GALNTL6: variants seen among roughly 807,000 people sequenced by gnomAD.
GALNTL6 encodes the protein polypeptide N-acetylgalactosaminyltransferase like 6, also known as polypeptide N-acetylgalactosaminyltransferase-like 6.
Under a neutral mutation model 73.7 loss-of-function variants are expected in GALNTL6, and 46 were observed. That is an observed-to-expected ratio of 0.62 (90% CI 0.49 to 0.80). The LOEUF is 0.80. Among genes scored for constraint, GALNTL6 ranks in the 30% least tolerant of loss-of-function variants. The probability of loss-of-function intolerance (pLI) is 0.00; values close to 1 mark genes in which losing one functional copy is unlikely to be tolerated. For synonymous variants in GALNTL6, 259 were observed against 263.7 expected (o/e 0.98, Z 0.17); for missense variants, 604 against 755.0 (o/e 0.80, Z 2.34).
intron 3 of GALNTL6, among the ~76,000 whole-genome samples, chr4:172,257,685 TTCAGTACAGGGA>T (rs1738127644): frequency 6.6e-6 from 1 of 151,304 alleles, no homozygotes; most frequent in South Asian, 2.1e-4. Context: ...ATGTTTGAAG[TTCAGTACAGGGA>T]TATGAAAAAG....
intron 2 of GALNTL6, among the ~76,000 whole-genome samples, chr4:172,133,866 A>G (rs776759391): frequency 2.0e-5 from 3 of 152,256 alleles, no homozygotes; most frequent in Non-Finnish European, 4.4e-5. Flanking sequence ...CTCAAAGATC[A>G]CATGATAAAT....
chr4:173,011,437 A>G (rs1331983912), intron 11 of GALNTL6, among the ~76,000 whole-genome samples: 3 of 152,188 alleles, frequency 2.0e-5, no homozygotes, highest in African/African-American at 7.2e-5. Flanking sequence ...GCCCAGACCA[A>G]TGTCCTGGAG....
At chr4:172,091,012 G>GGTCTACAACTT (rs1732187621) in intron 2 of GALNTL6, among the ~76,000 whole-genome samples, 2 of 151,990 alleles carry the variant, frequency 1.3e-5, no homozygotes, top group African/African-American at 4.8e-5. Flanking sequence ...GTAGACTTGT[G>GGTCTACAACTT]GTGTAATTTT....
chr4:172,534,010 T>C (rs946459002), intron 5 of GALNTL6, among the ~76,000 whole-genome samples: 7 of 152,132 alleles, frequency 4.6e-5, no homozygotes, highest in East Asian at 3.9e-4. Context: ...ATGGGAGATA[T>C]AGGAAATACT....
At position 172,507,990 on chromosome 4, in the gene GALNTL6, A is replaced by G. The variant is rs544077752; in HGVS notation, c.553+159301A>G. Among the ~76,000 whole-genome samples, 155 of 55,536 alleles carry G rather than the reference A, an allele frequency of 2.8e-3. 63 individuals are homozygous for G. The highest frequency in any genetic ancestry group is 6.5e-3 in the African/African-American group (146 of 22,324). The allele number at this position is 55,536 out of a possible 152,430, so 36.4% of individuals were successfully genotyped here. ...AATTATGATAGAAAAGGAAAAAGTG[A>G]ACTGATGTGAGAGTTGTTTTGTAGG... On this transcript the variant is annotated intron_variant, in intron 5 of 12. Transcript: ENST00000506823.
chr4:172,711,076 G>A lies in GALNTL6; in HGVS notation c.554-98285G>A, dbSNP rs1229902459. On this transcript the variant is annotated intron_variant, in intron 5 of 12. Coordinates refer to ENST00000506823, the MANE Select transcript of GALNTL6 (RefSeq NM_001034845.3). ...CAAATGTGTAATATAAAAGAATTTT[G>A]GGAAGTGTTCTAGGGCAAAATAAGT... is the stretch of plus-strand genomic sequence containing the variant. 2.0e-5 allele frequency among the ~76,000 whole-genome samples: 3 copies of A among 152,134 alleles called. No individual in the cohort carries two copies. The East Asian group carries it at 5.8e-4, about 29-fold the overall frequency.
intron 5 of GALNTL6, among the ~76,000 whole-genome samples, chr4:172,689,676 CT>C (rs1733148311): frequency 6.6e-6 from 1 of 152,146 alleles, no homozygotes; most frequent in Non-Finnish European, 1.5e-5. Context: ...GTAACAGCCA[CT>C]CACTCAACTG....
At chr4:172,903,638 C>T (rs1746737888) in intron 8 of GALNTL6, among the ~76,000 whole-genome samples, 1 of 151,978 alleles carries the variant, frequency 6.6e-6, no homozygotes, top group Non-Finnish European at 1.5e-5. Context: ...TGCACTTGAG[C>T]CCAGTAATTG....
chr4:172,577,441 A>C (rs918776195), intron 5 of GALNTL6, among the ~76,000 whole-genome samples: 1 of 152,200 alleles, frequency 6.6e-6, no homozygotes, highest in African/African-American at 2.4e-5. Context: ...AAATTGGTCG[A>C]CATAACATCA....
At chr4:172,614,995 G>A (rs902025449) in intron 5 of GALNTL6, among the ~76,000 whole-genome samples, 1 of 152,032 alleles carries the variant, frequency 6.6e-6, no homozygotes, top group Non-Finnish European at 1.5e-5. Flanking sequence ...TCATTCCTTA[G>A]GCATGTTCTA....
chr4:172,044,926 A>T (rs1487449346), intron 2 of GALNTL6, among the ~76,000 whole-genome samples: 1 of 152,064 alleles, frequency 6.6e-6, no homozygotes, highest in Non-Finnish European at 1.5e-5. Context: ...TCTATACAAT[A>T]TATTTCAGTG....
chr4:171,941,186 C>T (rs943911926), intron 2 of GALNTL6, among the ~76,000 whole-genome samples: 1 of 152,070 alleles, frequency 6.6e-6, no homozygotes, highest in African/African-American at 2.4e-5. Context: ...AGAGATGGAA[C>T]CTGTAGCAAG....
At chr4:172,976,556 A>G (rs1750821135) in intron 10 of GALNTL6, among the ~76,000 whole-genome samples, 1 of 152,216 alleles carries the variant, frequency 6.6e-6, no homozygotes, top group Admixed American at 6.5e-5. Context: ...GTAGGCAAAA[A>G]ACATCATATG....
chr4:172,749,735 G>T (rs1737321446), intron 5 of GALNTL6, among the ~76,000 whole-genome samples: 1 of 151,352 alleles, frequency 6.6e-6, no homozygotes. Flanking sequence ...TAGCTTTACA[G>T]CTCTTAATTT....
chr4:172,198,902 TA>T (rs1735867367), intron 2 of GALNTL6, among the ~76,000 whole-genome samples: 2 of 152,246 alleles, frequency 1.3e-5, no homozygotes, highest in Admixed American at 1.3e-4. Flanking sequence ...GGCTATTTAG[TA>T]CTTCACTTCT....
chr4:171,849,216 C>T (rs6811551), intron 2 of GALNTL6, among the ~76,000 whole-genome samples: 112,806 of 152,088 alleles, frequency 0.74, 42,034 homozygotes, highest in South Asian at 0.87. Flanking sequence ...GAAGCCGTTG[C>T]AGGGTTCTAA....
At chr4:172,647,045 T>G (rs997054042) in intron 5 of GALNTL6, among the ~76,000 whole-genome samples, 2 of 152,100 alleles carry the variant, frequency 1.3e-5, no homozygotes, top group Admixed American at 1.3e-4. Flanking sequence ...AAGTAAGAGC[T>G]ATAAACCCAC....
intron 5 of GALNTL6, among the ~76,000 whole-genome samples, chr4:172,749,013 G>A (rs542064033): frequency 1.3e-5 from 2 of 151,694 alleles, no homozygotes; most frequent in East Asian, 1.9e-4. Flanking sequence ...AGGCTGAATC[G>A]GTCTTGCCAC....
intron 2 of GALNTL6, among the ~76,000 whole-genome samples, chr4:171,982,043 A>G (rs1560869829): frequency 6.6e-6 from 1 of 152,098 alleles, no homozygotes; most frequent in Non-Finnish European, 1.5e-5. Flanking sequence ...AAGGAGTGAA[A>G]ACTACTACTA....
Sources: gnomAD v4.1 joint callset for allele counts (sites outside exome capture counted in the v4.1 genomes callset) on GRCh38, gnomAD v4.1.1 for gene constraint, MANE v1.5 for transcripts, NCBI Gene and HGNC (gene_info 2026-07-23, HGNC 2026-07-21) for gene names.